Variants in SLC6A16 observed in about 807,000 individuals in gnomAD.
SLC6A16 encodes the protein solute carrier family 6 member 16, also known as orphan sodium- and chloride-dependent neurotransmitter transporter NTT5.
A neutral mutation model predicts 65.4 loss-of-function variants in SLC6A16; 54 were observed. The ratio of observed to expected loss-of-function variants is 0.83; its 90% confidence interval spans 0.66 to 1.04. The LOEUF is 1.04. Among genes scored for constraint, SLC6A16 ranks in the 50% least tolerant of loss-of-function variants. The pLI is 0.00. For synonymous variants in SLC6A16, 330 were observed against 346.5 expected, an observed-to-expected ratio of 0.95 and a Z score of 0.53; for missense variants, 816 against 914.0, an observed-to-expected ratio of 0.89 and a Z score of 1.38.
chr19:49,331,876 G>A, the SLC6A16 span: 1 of 455,722 alleles, frequency 2.2e-6, no homozygotes, highest in Non-Finnish European at 4.4e-6. Flanking sequence ...AAGCTGCAGT[G>A]AGCCGTGATT....
chr19:49,333,109 CCA>C, the SLC6A16 span, among the ~76,000 whole-genome samples: 1 of 152,112 alleles, frequency 6.6e-6, no homozygotes, highest in East Asian at 1.9e-4. Context: ...TTGCAGTGAG[CCA>C]TAATCGTGCC....
chr19:49,308,768 C>T (rs1300820641), intron 7 of SLC6A16, 108 bp downstream of exon 7: 2 of 1,415,830 alleles, frequency 1.4e-6, no homozygotes, highest in African/African-American at 2.9e-5. Flanking sequence ...CAAGTGCACC[C>T]AAGGTTGAAA....
intron 7 of SLC6A16, among the ~76,000 whole-genome samples, chr19:49,299,997 C>CA (rs889761825): frequency 0.077 from 3,689 of 48,138 alleles, 259 homozygotes; most frequent in African/African-American, 0.16. Context: ...GACTCTGTCT[C>CA]AAAAAAAAAA....
the SLC6A16 span, chr19:49,335,060 G>A: frequency 6.2e-6 from 1 of 161,026 alleles, no homozygotes; most frequent in African/African-American, 2.4e-5. This position sits in a 1 kb window ranked among gnomAD's most constrained non-coding sequence, Gnocchi z 4.6. Context: ...AAGAGACCCA[G>A]GGCAGGAAAT....
At position 49,307,051 on chromosome 19, in the gene SLC6A16, C is replaced by CTTTTTTT. The variant is rs1197711801; in HGVS notation, c.1229+1818_1229+1824dup. Among the ~76,000 whole-genome samples the CTTTTTTT allele has an allele frequency of 8.5e-3, 516 of 60,972 alleles. 39 individuals carry two copies. Among genetic ancestry groups the CTTTTTTT allele is most frequent in the African/African-American group, 0.039 (447 of 11,540 alleles). The allele number at this position is 60,972 out of a possible 152,430, so 40.0% of individuals were successfully genotyped here. On this transcript the variant is annotated intron_variant, in intron 7 of 11. Transcript: ENST00000335875. ...GTTACACAGTGCATTGTTTTATACA[C>CTTTTTTT]TTTTTTTTTTTTTTTGTTAGAGGAA...
At chr19:49,317,041 AAAAAT>A (rs1461902658) in intron 1 of SLC6A16, among the ~76,000 whole-genome samples, 1 of 151,504 alleles carries the variant, frequency 6.6e-6, no homozygotes. Flanking sequence ...CATTCTCTAA[AAAAAT>A]AAAATAAAAT....
At chr19:49,336,093 T>C in the SLC6A16 span, 1 of 451,382 alleles carries the variant, frequency 2.2e-6, no homozygotes. Context: ...CCTTGATGGA[T>C]GTCATACAGC....
At chr19:49,306,307 A>T (rs1970385307) in intron 7 of SLC6A16, among the ~76,000 whole-genome samples, 1 of 152,038 alleles carries the variant, frequency 6.6e-6, no homozygotes, top group South Asian at 2.1e-4. Context: ...CAAAAAAAAA[A>T]AGAAAAAGAA....
chr19:49,340,179 G>T, the SLC6A16 span: 1 of 1,460,612 alleles, frequency 6.8e-7, no homozygotes, highest in Non-Finnish European at 9.4e-7. Flanking sequence ...GACCTTTCTC[G>T]CCCGGGTGGG....
At chr19:49,308,418 A>G (rs969429238) in intron 7 of SLC6A16, among the ~76,000 whole-genome samples, 7 of 152,044 alleles carry the variant, frequency 4.6e-5, no homozygotes, top group African/African-American at 1.7e-4. Context: ...GCGCCACTGC[A>G]CTCCAGCCTG....
At chr19:49,299,730 A>C (rs1308423093) in intron 7 of SLC6A16, among the ~76,000 whole-genome samples, 1 of 151,942 alleles carries the variant, frequency 6.6e-6, no homozygotes, top group East Asian at 1.9e-4. Flanking sequence ...CTATCACTAA[A>C]GAATAATTTA....
At chr19:49,335,256 A>G in the SLC6A16 span, 2 of 476,586 alleles carry the variant, frequency 4.2e-6, no homozygotes, top group South Asian at 2.6e-5. The surrounding 1 kb of genome is among the most constrained non-coding windows in gnomAD (Gnocchi z 4.6). Context: ...GGACTGCCCC[A>G]TGAGTCCTTG....
upstream of SLC6A16, among the ~76,000 whole-genome samples, chr19:49,325,946 G>A (rs1198519653): frequency 1.3e-5 from 2 of 151,692 alleles, no homozygotes; most frequent in East Asian, 1.9e-4. Flanking sequence ...GGTGGATCAC[G>A]AGGTCAGGAG....
upstream of SLC6A16, among the ~76,000 whole-genome samples, chr19:49,328,047 A>T (rs946160439): frequency 2.6e-5 from 4 of 152,044 alleles, no homozygotes; most frequent in African/African-American, 4.8e-5. Context: ...GTTCTGAGTC[A>T]AGGAGTGACT....
chr19:49,323,641 C>T (rs1434714325), intron 1 of SLC6A16, among the ~76,000 whole-genome samples: 1 of 152,074 alleles, frequency 6.6e-6, no homozygotes, highest in African/African-American at 2.4e-5. Flanking sequence ...TAAGGAAATG[C>T]AAATGAAAAC....
chr19:49,336,845 T>G, the SLC6A16 span: 1 of 1,584,738 alleles, frequency 6.3e-7, no homozygotes, highest in Non-Finnish European at 8.6e-7. Flanking sequence ...GCTGCCTAGG[T>G]GGGAAATGGG....
chr19:49,337,529 G>A, the SLC6A16 span: 1,410 of 838,436 alleles, frequency 1.7e-3, 11 homozygotes, highest in African/African-American at 0.023. Context: ...GGTCGAGGTG[G>A]GAGGATCACT....
chr19:49,338,649 A>C, the SLC6A16 span: 1 of 1,371,188 alleles, frequency 7.3e-7, no homozygotes, highest in Non-Finnish European at 1.0e-6. This position sits in a 1 kb window ranked among gnomAD's most constrained non-coding sequence, Gnocchi z 5.0. Context: ...CCTGATCCCC[A>C]ACATCATATG....
chr19:49,320,077 C>A (rs773607756), intron 1 of SLC6A16, among the ~76,000 whole-genome samples: 1 of 151,790 alleles, frequency 6.6e-6, no homozygotes, highest in African/African-American at 2.4e-5. Flanking sequence ...AAAGCAATGC[C>A]AAGGGGGAAA....
Sources: allele counts gnomAD v4.1 joint callset (sites outside exome capture counted in the v4.1 genomes callset), GRCh38; gene constraint gnomAD v4.1.1; non-coding constraint Gnocchi (gnomAD v3.1); transcripts MANE v1.5; gene names NCBI Gene and HGNC (gene_info 2026-07-23, HGNC 2026-07-21).